SEC14L2: variants seen among roughly 807,000 people sequenced by gnomAD.
SEC14L2 encodes SEC14-like protein 2.
In SEC14L2, 50 loss-of-function variants were observed where a neutral mutation model predicts 56.9. That is an observed-to-expected ratio of 0.88 (90% CI 0.70 to 1.11). SEC14L2 has a LOEUF of 1.11. Ranked by LOEUF, SEC14L2 falls within the 50% of genes most tolerant of loss-of-function variation. The pLI is 0.00. For synonymous variants in SEC14L2, 179 were observed against 188.5 expected (o/e 0.95, Z 0.41); for missense variants, 414 against 500.7 (o/e 0.83, Z 1.65).
At chr22:30,407,182 C>G in intron 4 of SEC14L2, 28 bp downstream of exon 4, 1 of 1,612,342 alleles carries the variant, frequency 6.2e-7, no homozygotes, top group Non-Finnish European at 8.5e-7. Flanking sequence ...CACCTCATCC[C>G]TATGCTAGGC....
intron 2 of SEC14L2, among the ~76,000 whole-genome samples, chr22:30,404,040 A>AAG (rs1934024540): frequency 6.6e-6 from 1 of 150,588 alleles, no homozygotes; most frequent in South Asian, 2.1e-4. Flanking sequence ...GAAAAAAAAA[A>AAG]AAAGAAGATA....
In SEC14L2 at chr22:30,422,928, C is replaced by G. The variant is rs916808215; in HGVS notation, c.*521C>G. 4.6e-5 allele frequency: 7 copies of G among 153,236 alleles called. No homozygotes were observed. The highest frequency in any genetic ancestry group is 1.7e-4 in the African/African-American group (7 of 41,440). The allele number at this position is 153,236 out of a possible 1,614,324, so 9.5% of individuals were successfully genotyped here. A position where few individuals can be genotyped will look rare whatever the true frequency, so the allele number is the denominator to read the frequency against. ...GGCTGGGGTAGCTTTTGGCTTTTCC[C>G]AGGTCTCAGGAGGTGGCCTGAGTCA... On this transcript the variant is annotated 3_prime_UTR_variant, in exon 12 of 12. Coordinates refer to ENST00000615189, the MANE Select transcript of SEC14L2 (RefSeq NM_012429.5).
intron 11 of SEC14L2, chr22:30,421,640 C>G (rs930352244): frequency 6.6e-6 from 1 of 152,130 alleles, no homozygotes; most frequent in Non-Finnish European, 1.5e-5. Context: ...ATTCCTGGTT[C>G]ACAAAGTTTG....
intron 1 of SEC14L2, among the ~76,000 whole-genome samples, chr22:30,397,376 C>T (rs1243327024): frequency 6.6e-6 from 1 of 152,216 alleles, no homozygotes; most frequent in Non-Finnish European, 1.5e-5. Flanking sequence ...GTTTGGCCAC[C>T]CCCCGCCCAA....
chr22:30,422,464 C>G lies in SEC14L2; in HGVS notation c.*57C>G. The stretch of plus-strand genomic sequence containing the variant: ...AGTGTCTCCCTGTCAATTTCTACCC[C>G]TTGTAGCAGTCATTTTCGCACAACC... On this transcript the variant is annotated 3_prime_UTR_variant, in exon 12 of 12. Coordinates refer to ENST00000615189, the MANE Select transcript of SEC14L2 (RefSeq NM_012429.5). 6.2e-7 allele frequency: 1 copy of G among 1,602,084 alleles called. No homozygotes were observed. The highest frequency in any genetic ancestry group is 2.2e-5 in the East Asian group (1 of 44,762).
At chr22:30,401,184 G>GTTAT (rs1555995221) in intron 2 of SEC14L2, among the ~76,000 whole-genome samples, 1 of 137,612 alleles carries the variant, frequency 7.3e-6, no homozygotes, top group Admixed American at 7.7e-5. Flanking sequence ...CTGGTCTCAA[G>GTTAT]TGATTTATTT....
intron 8 of SEC14L2, among the ~76,000 whole-genome samples, chr22:30,411,761 A>AAAAAAAAAAAAAAAAAAAAG (rs1555997934): frequency 1.4e-5 from 2 of 142,718 alleles, no homozygotes; most frequent in African/African-American, 5.3e-5. Context: ...AAAAAAAAAA[A>AAAAAAAAAAAAAAAAAAAAG]GGGGTCCCTT....
At chr22:30,403,976 G>C (rs898738738) in intron 2 of SEC14L2, among the ~76,000 whole-genome samples, 33 of 125,572 alleles carry the variant, frequency 2.6e-4, no homozygotes, top group Non-Finnish European at 4.6e-4. Context: ...GCAGTCCGCA[G>C]TCCGGCCTGG....
intron 2 of SEC14L2, among the ~76,000 whole-genome samples, chr22:30,400,921 A>G (rs1170441671): frequency 5.5e-4 from 74 of 134,372 alleles, no homozygotes; most frequent in African/African-American, 2.1e-3. Flanking sequence ...AAAAAAAAAA[A>G]AAGAAGGTTA....
At chr22:30,403,945 G>A (rs1007196424) in intron 2 of SEC14L2, among the ~76,000 whole-genome samples, 14 of 142,022 alleles carry the variant, frequency 9.9e-5, no homozygotes, top group African/African-American at 3.4e-4. Flanking sequence ...GGAGCTTGCA[G>A]TGAGCTGAGA....
intron 7 of SEC14L2, among the ~76,000 whole-genome samples, chr22:30,410,379 G>A (rs1934215622): frequency 6.6e-6 from 1 of 152,256 alleles, no homozygotes. Context: ...GATGGGAAGA[G>A]ACCATTTGAT....
At chr22:30,407,862 C>A (rs1442022936) in intron 5 of SEC14L2, among the ~76,000 whole-genome samples, 1 of 152,146 alleles carries the variant, frequency 6.6e-6, no homozygotes, top group African/African-American at 2.4e-5. Context: ...AGCCACTGGA[C>A]CTGGCCGAGG....
Position 30,409,455 on chromosome 22 carries a change from C to T in SEC14L2, c.549C>T (p.Pro183=), listed in dbSNP as rs11556718. 1,273 of 1,614,098 alleles carry T rather than the reference C, an allele frequency of 7.9e-4. 23 individuals are homozygous for T. In the East Asian group the frequency reaches 0.027, roughly 34 times the overall value. Residue 183 remains proline (P), a synonymous_variant, in exon 7 of 12, where the codon CCC becomes CCT. Coordinates refer to ENST00000615189, the MANE Select transcript of SEC14L2 (RefSeq NM_012429.5). Reference sequence around the variant, plus strand: ...TCTGCATGTTTGAGGAAAATTATCCCGAAACACTGAAGCGTCTTTTTGTTG... The same window carrying T: ...TCTGCATGTTTGAGGAAAATTATCCTGAAACACTGAAGCGTCTTTTTGTTG... The part of the protein sequence containing the change: ...EFLCMFEENY[P]ETLKRLFVVK...
At chr22:30,404,026 A>AG (rs1934021288) in intron 2 of SEC14L2, among the ~76,000 whole-genome samples, 3 of 137,342 alleles carry the variant, frequency 2.2e-5, no homozygotes, top group African/African-American at 8.1e-5. Flanking sequence ...AAAAAAAAAA[A>AG]AAAGAAAAAA....
chr22:30,412,430 G>A lies in SEC14L2; in HGVS notation c.664+1751G>A, dbSNP rs150442406. Among the ~76,000 whole-genome samples, 763 of 151,524 alleles carry A rather than the reference G, an allele frequency of 5.0e-3. 3 individuals are homozygous for A. Among genetic ancestry groups the A allele is most frequent in the African/African-American group, 0.018 (725 of 41,260 alleles). ...GGCTGGAGTGCAGTGGTACAATCTC[G>A]GCACAATGTTGTCACAGTCCACGCA... On this transcript the variant is annotated intron_variant, in intron 8 of 11. Coordinates refer to ENST00000615189, the MANE Select transcript of SEC14L2 (RefSeq NM_012429.5).
intron 7 of SEC14L2, among the ~76,000 whole-genome samples, chr22:30,409,989 G>T (rs1934205729): frequency 6.6e-6 from 1 of 152,346 alleles, no homozygotes; most frequent in Admixed American, 6.5e-5. Context: ...CTTGAGGCCA[G>T]GAGTTCAAGA....
At chr22:30,399,226 A>G (rs4820844) in intron 1 of SEC14L2, among the ~76,000 whole-genome samples, 122,009 of 152,016 alleles carry the variant, frequency 0.8, 49,432 homozygotes, top group East Asian at 0.9. Flanking sequence ...GTTAAAGAGA[A>G]GTCCAGTTGG....
intron 8 of SEC14L2, among the ~76,000 whole-genome samples, chr22:30,415,064 C>T (rs776585069): frequency 6.6e-6 from 1 of 152,164 alleles, no homozygotes; most frequent in Non-Finnish European, 1.5e-5. Flanking sequence ...GTCCCCTCTC[C>T]TGCTGTACTT....
intron 2 of SEC14L2, among the ~76,000 whole-genome samples, chr22:30,403,771 A>G (rs892208901): frequency 2.4e-4 from 37 of 152,148 alleles, no homozygotes; most frequent in Non-Finnish European, 3.2e-4. Flanking sequence ...TGGGAGGCCG[A>G]GGCAGGTGGA....
Sources: allele counts gnomAD v4.1 joint callset (sites outside exome capture counted in the v4.1 genomes callset), GRCh38; gene constraint gnomAD v4.1.1; transcripts MANE v1.5; gene names NCBI Gene and HGNC (gene_info 2026-07-23, HGNC 2026-07-21).